Variants in MCTP1 observed in about 807,000 individuals in gnomAD.
MCTP1 encodes the protein multiple C2 and transmembrane domain containing 1, also known as multiple C2 and transmembrane domain-containing protein 1.
In MCTP1, 69 loss-of-function variants were observed where a neutral mutation model predicts 120.6. The observed-to-expected ratio is 0.57, with a 90% CI of 0.47 to 0.70. MCTP1 has a LOEUF of 0.70. Ranked by LOEUF, MCTP1 falls within the 30% of genes least tolerant of loss-of-function variation. The pLI is 0.00. For synonymous variants in MCTP1, 529 were observed against 493.1 expected, an observed-to-expected ratio of 1.07 and a Z score of -0.96; for missense variants, 1,203 against 1,248.8, an observed-to-expected ratio of 0.96 and a Z score of 0.55.
chr5:94,806,244 A>G (rs1013332847), intron 17 of MCTP1, among the ~76,000 whole-genome samples: 1 of 152,138 alleles, frequency 6.6e-6, no homozygotes, highest in African/African-American at 2.4e-5. Flanking sequence ...GTAAAGGCAA[A>G]GATTGGAAAC....
In MCTP1 at chr5:94,942,425, T is replaced by C. The variant is rs293035; in HGVS notation, c.984A>G (p.Val328=). 0.25 allele frequency: 405,901 copies of C among 1,599,902 alleles called. 54,190 individuals are homozygous for C. Among genetic ancestry groups the C allele is most frequent in the East Asian group, 0.53 (23,879 of 44,662 alleles). ...DHLREPLYIK[V]FDYDFGLQDD... The stretch of plus-strand genomic sequence containing the variant: ...CCTGTAGTCCAAAATCATAGTCAAA[T>C]ACCTGAGATGCCAAAGAGAAAAAGC... Residue 328 remains valine (V), a splice_region_variant and synonymous_variant, in exon 4 of 23, where the codon GTA becomes GTG. Transcript: ENST00000515393.
At chr5:95,046,640 C>A in intron 1 of MCTP1, among the ~76,000 whole-genome samples, 1 of 152,100 alleles carries the variant, frequency 6.6e-6, no homozygotes, top group Non-Finnish European at 1.5e-5. Flanking sequence ...TAAGAGTTCG[C>A]CAGACAGAGT....
chr5:94,821,401 A>G (rs1477976386), intron 17 of MCTP1, among the ~76,000 whole-genome samples: 5 of 152,210 alleles, frequency 3.3e-5, no homozygotes, highest in African/African-American at 1.2e-4. Flanking sequence ...TGGGAAACAC[A>G]GATTCGACAT....
chr5:95,194,205 C>T (rs1292301998), intron 1 of MCTP1, among the ~76,000 whole-genome samples: 1 of 150,478 alleles, frequency 6.6e-6, no homozygotes, highest in Non-Finnish European at 1.5e-5. Context: ...GAGACACTGT[C>T]TGAAAAGAAA....
rs11135415 is a variant in MCTP1, at chr5:94,947,277, C to T, written c.982-4850G>A. On this transcript the variant is annotated intron_variant, in intron 3 of 22. Transcript: ENST00000515393. ...ATTGGGGAAATGGACAATGGATGTA[C>T]GGATAATTTGGCCCTTCCATGTCTA... Among the ~76,000 whole-genome samples, 9 of 151,572 alleles carry T rather than the reference C, an allele frequency of 5.9e-5. No individual in the cohort carries two copies. In the East Asian group the frequency reaches 1.2e-3, roughly 20 times the overall value.
intron 19 of MCTP1, among the ~76,000 whole-genome samples, chr5:94,774,954 T>A (rs1439772451): frequency 6.6e-6 from 1 of 152,178 alleles, no homozygotes; most frequent in Non-Finnish European, 1.5e-5. Context: ...CCCCTCATAG[T>A]TCGTTTGAGA....
intron 1 of MCTP1, among the ~76,000 whole-genome samples, chr5:95,112,107 T>C (rs991237328): frequency 9.8e-5 from 15 of 152,310 alleles, no homozygotes; most frequent in African/African-American, 3.4e-4. Flanking sequence ...TGTAATGCCT[T>C]ACAGAAAAGA....
intron 6 of MCTP1, chr5:94,931,734 G>A (rs1337137529): frequency 1.9e-6 from 1 of 534,954 alleles, no homozygotes; most frequent in Non-Finnish European, 3.3e-6. Context: ...ATGATGTTGA[G>A]AAGTGACCAG....
In MCTP1 at chr5:95,095,064, C is replaced by T. The variant is rs957425035; in HGVS notation, c.721-77580G>A. Among the ~76,000 whole-genome samples, 121 of 122,160 alleles carry T rather than the reference C, an allele frequency of 9.9e-4. 1 individual carries two copies. The highest frequency in any genetic ancestry group is 4.0e-3 in the African/African-American group (116 of 29,234). The allele number at this position is 122,160 out of a possible 152,430, so 80.1% of individuals were successfully genotyped here. On this transcript the variant is annotated intron_variant, in intron 1 of 22. Transcript: ENST00000515393. ...TTTGAGACGGAGTCTCGCTCTGTCGCCCAGGCTGGAGTGCAGTGGCGCGAT... is the reference window on the plus strand; with the variant it reads ...TTTGAGACGGAGTCTCGCTCTGTCGTCCAGGCTGGAGTGCAGTGGCGCGAT...
At chr5:95,049,151 T>C (rs1441725328) in intron 1 of MCTP1, among the ~76,000 whole-genome samples, 1 of 152,134 alleles carries the variant, frequency 6.6e-6, no homozygotes, top group Admixed American at 6.6e-5. Context: ...CTCACCAAAC[T>C]GAAGTGTGAG....
At chr5:94,796,381 C>T (rs1779999726) in intron 18 of MCTP1, among the ~76,000 whole-genome samples, 1 of 151,736 alleles carries the variant, frequency 6.6e-6, no homozygotes. Flanking sequence ...GTGATTAATG[C>T]ACCTCGGAGA....
chr5:94,791,129 A>G (rs1397361550), intron 18 of MCTP1, among the ~76,000 whole-genome samples: 3 of 148,928 alleles, frequency 2.0e-5, no homozygotes, highest in South Asian at 2.1e-4. Flanking sequence ...AAAAAAAAAA[A>G]AAAAGAAAAA....
intron 12 of MCTP1, among the ~76,000 whole-genome samples, chr5:94,877,171 C>A (rs1399522563): frequency 6.6e-6 from 1 of 152,026 alleles, no homozygotes; most frequent in Non-Finnish European, 1.5e-5. Flanking sequence ...TATCACAGTG[C>A]TTTTAAAAGT....
intron 12 of MCTP1, among the ~76,000 whole-genome samples, chr5:94,888,671 T>G (rs1011618845): frequency 2.0e-5 from 3 of 152,344 alleles, no homozygotes; most frequent in Middle Eastern, 3.4e-3. Flanking sequence ...TGTTTTTTAG[T>G]GTTTATTTTT....
chr5:94,991,040 G>A (rs1362580410), intron 2 of MCTP1, among the ~76,000 whole-genome samples: 1 of 152,164 alleles, frequency 6.6e-6, no homozygotes, highest in East Asian at 1.9e-4. Context: ...TTGTAGATCA[G>A]AAGCATAGGA....
intron 1 of MCTP1, among the ~76,000 whole-genome samples, chr5:95,209,435 T>G (rs1752063270): frequency 1.3e-5 from 2 of 152,204 alleles, no homozygotes; most frequent in Admixed American, 1.3e-4. Context: ...GTTTTTCTAC[T>G]GTTAGCAGAG....
At position 95,262,778 on chromosome 5, in the gene MCTP1, C is replaced by T. The variant is rs114204502; in HGVS notation, c.720+21078G>A. Among the ~76,000 whole-genome samples the T allele has an allele frequency of 7.2e-3, 1,102 of 152,140 alleles. 12 individuals carry two copies. Among genetic ancestry groups the T allele is most frequent in the South Asian group, 0.03 (146 of 4,824 alleles). On this transcript the variant is annotated intron_variant, in intron 1 of 22. Coordinates refer to ENST00000515393, the MANE Select transcript of MCTP1 (RefSeq NM_024717.7). ...ATTACTTTAACAAAATATCAAAACT[C>T]TTCAATAAATATTAAAAAAATAAAA...
rs1470777155 is a variant in MCTP1 at position 94,761,631 on chromosome 5, G to GAC, written c.2610+17477_2610+17478dup. Among the ~76,000 whole-genome samples, 3 of 152,300 alleles carry GAC rather than the reference G, an allele frequency of 2.0e-5. No homozygotes were observed. The East Asian group carries it at 5.8e-4, about 29-fold the overall frequency. On this transcript the variant is annotated intron_variant, in intron 19 of 22. Coordinates refer to ENST00000515393, the MANE Select transcript of MCTP1 (RefSeq NM_024717.7). ...GGCTCCGTATTTCTTAATGCTACAT[G>GAC]ACATCTATTAGAAGCTTTTGGTCTT...
At chr5:95,232,362 A>G (rs1755059724) in intron 1 of MCTP1, among the ~76,000 whole-genome samples, 2 of 152,024 alleles carry the variant, frequency 1.3e-5, no homozygotes, top group Admixed American at 6.6e-5. Context: ...ATTAAATATA[A>G]ATGGCCTAAA....
Sources: gnomAD v4.1 joint callset for allele counts (sites outside exome capture counted in the v4.1 genomes callset) on GRCh38, gnomAD v4.1.1 for gene constraint, MANE v1.5 for transcripts, NCBI Gene and HGNC (gene_info 2026-07-23, HGNC 2026-07-21) for gene names.